Variants in PTPRN2 observed in about 807,000 individuals in gnomAD.
PTPRN2 encodes protein tyrosine phosphatase receptor type N2, also known as receptor-type tyrosine-protein phosphatase N2.
In PTPRN2, 74 loss-of-function variants were observed where a neutral mutation model predicts 118.8. That is an observed-to-expected ratio of 0.62 (90% confidence interval 0.52 to 0.76). PTPRN2 has a LOEUF of 0.76. PTPRN2 is among the 30% of genes least tolerant of loss of function. The pLI, the probability that PTPRN2 is intolerant of heterozygous loss-of-function variation, is 0.00. For missense variants in PTPRN2, 1,481 were observed against 1,394.4 expected, an observed-to-expected ratio of 1.06 and a Z score of -0.99; for synonymous variants, 641 against 608.0, an observed-to-expected ratio of 1.05 and a Z score of -0.80.
At chr7:158,114,627 C>T (rs950328107) in intron 9 of PTPRN2, among the ~76,000 whole-genome samples, 5 of 152,188 alleles carry the variant, frequency 3.3e-5, no homozygotes, top group Non-Finnish European at 5.9e-5. Context: ...CCGGCAGCCT[C>T]TAATCTGGCA....
At chr7:157,543,909 T>C (rs1563198495) in intron 22 of PTPRN2, among the ~76,000 whole-genome samples, 1 of 152,098 alleles carries the variant, frequency 6.6e-6, no homozygotes, top group Non-Finnish European at 1.5e-5. Flanking sequence ...GACTAGGCAT[T>C]GTGTGTGTGT....
intron 9 of PTPRN2, among the ~76,000 whole-genome samples, chr7:158,114,018 GC>G (rs1468082299): frequency 6.6e-6 from 1 of 152,210 alleles, no homozygotes; most frequent in Non-Finnish European, 1.5e-5. Flanking sequence ...TGCCTGTCCT[GC>G]CCAGCCAGTG....
At position 157,785,221 on chromosome 7, in the gene PTPRN2, C is replaced by A. The variant is rs959771932; in HGVS notation, c.1789-102284G>T. Among the ~76,000 whole-genome samples the A allele has an allele frequency of 5.9e-5, 9 of 151,964 alleles. No individual in the cohort carries two copies. The highest frequency in any genetic ancestry group is 8.8e-5 in the Non-Finnish European group (6 of 68,024). Reference sequence around the variant, plus strand: ...TAACCCGGGCCCACGTGGGGACACGCCCCGCCCCACAGGCTTGCACCGGGG... The same window carrying A: ...TAACCCGGGCCCACGTGGGGACACGACCCGCCCCACAGGCTTGCACCGGGG... On this transcript the variant is annotated intron_variant, in intron 12 of 22. Transcript: ENST00000389418. This position sits in a 1 kb window ranked among gnomAD's most constrained non-coding sequence, Gnocchi z 7.3.
chr7:158,342,516 GAGCTGACACCTGCAGACGTCA>G, intron 2 of PTPRN2, among the ~76,000 whole-genome samples: 1 of 84,424 alleles, frequency 1.2e-5, no homozygotes, highest in African/African-American at 4.8e-5. Context: ...CTCACCATAA[GAGCTGACACCTGCAGACGTCA>G]CTCACACCCA....
intron 21 of PTPRN2, among the ~76,000 whole-genome samples, chr7:157,558,027 A>T (rs1306027497): frequency 1.3e-5 from 2 of 150,170 alleles, no homozygotes; most frequent in Non-Finnish European, 3.0e-5. Flanking sequence ...TGCTGGCAGC[A>T]TCAACGCGGA....
chr7:158,403,521 C>T (rs986842817), intron 2 of PTPRN2, among the ~76,000 whole-genome samples: 3 of 152,210 alleles, frequency 2.0e-5, no homozygotes, highest in Non-Finnish European at 4.4e-5. Flanking sequence ...GGAGCAAGCA[C>T]ATTTAGGCCC....
intron 2 of PTPRN2, among the ~76,000 whole-genome samples, chr7:158,407,403 C>G (rs375595632): frequency 0.027 from 675 of 24,856 alleles, 13 homozygotes; most frequent in East Asian, 0.064. Context: ...CTGGGTCCTG[C>G]GTCCTGGGTC....
chr7:158,170,447 G>T (rs1290848148), intron 5 of PTPRN2, among the ~76,000 whole-genome samples: 2 of 152,256 alleles, frequency 1.3e-5, no homozygotes. Context: ...ACTAGGTTCA[G>T]TGCATTACAC....
At chr7:157,847,275 G>C (rs369795512) in intron 12 of PTPRN2, among the ~76,000 whole-genome samples, 5 of 96,214 alleles carry the variant, frequency 5.2e-5, no homozygotes, top group Admixed American at 2.4e-4. Context: ...TTCATATGTG[G>C]CCAATGTTTA....
chr7:158,482,239 C>T (rs888495618), intron 2 of PTPRN2, among the ~76,000 whole-genome samples: 1 of 152,218 alleles, frequency 6.6e-6, no homozygotes, highest in Non-Finnish European at 1.5e-5. Context: ...TTTGATAAGG[C>T]AGTGGCAGGG....
chr7:157,725,828 G>A (rs994099539), intron 12 of PTPRN2, among the ~76,000 whole-genome samples: 1 of 130,634 alleles, frequency 7.7e-6, no homozygotes, highest in African/African-American at 3.3e-5. Context: ...AGAGGAGTGA[G>A]CCAGACCCTC....
At chr7:157,826,273 G>A (rs1172792932) in intron 12 of PTPRN2, among the ~76,000 whole-genome samples, 10 of 61,954 alleles carry the variant, frequency 1.6e-4, no homozygotes, top group Admixed American at 1.5e-3. Flanking sequence ...GCACGAACAC[G>A]ATCGTCACAA....
chr7:158,495,743 A>T (rs778736731), intron 1 of PTPRN2, among the ~76,000 whole-genome samples: 1 of 152,158 alleles, frequency 6.6e-6, no homozygotes. Flanking sequence ...AAAGTGAGAG[A>T]TTAAAGCGCC....
intron 19 of PTPRN2, among the ~76,000 whole-genome samples, chr7:157,575,801 T>C (rs1464432614): frequency 6.6e-6 from 1 of 152,252 alleles, no homozygotes; most frequent in African/African-American, 2.4e-5. Context: ...TGTTTGGATA[T>C]TTGTCTCTTT....
At chr7:157,648,717 G>A (rs960285320) in intron 14 of PTPRN2, among the ~76,000 whole-genome samples, 1 of 147,292 alleles carries the variant, frequency 6.8e-6, no homozygotes, top group Non-Finnish European at 1.5e-5. Context: ...CATTCACTGT[G>A]CACTGAACTC....
At chr7:157,980,287 A>G (rs951040708) in intron 11 of PTPRN2, among the ~76,000 whole-genome samples, 12 of 152,248 alleles carry the variant, frequency 7.9e-5, no homozygotes, top group African/African-American at 2.9e-4. Context: ...TCTGAGTAAG[A>G]AAGTTCTTAA....
chr7:158,070,530 AGGTGCTCCTGGTGG>A (rs1811202431), intron 11 of PTPRN2, among the ~76,000 whole-genome samples: 1 of 74,754 alleles, frequency 1.3e-5, no homozygotes, highest in Non-Finnish European at 2.5e-5. Context: ...CTGGTGGTGG[AGGTGCTCCTGGTGG>A]TGGAGGTGCC....
At chr7:158,548,553 T>C (rs1309073393) in intron 1 of PTPRN2, among the ~76,000 whole-genome samples, 2 of 152,252 alleles carry the variant, frequency 1.3e-5, no homozygotes, top group East Asian at 1.9e-4. Context: ...CCAAAGCCTC[T>C]GGCTGCAAGC....
chr7:157,610,161 T>G lies in PTPRN2; in HGVS notation c.2345-6086A>C, dbSNP rs1322462021. On this transcript the variant is annotated intron_variant, in intron 15 of 22. Coordinates refer to ENST00000389418, the MANE Select transcript of PTPRN2 (RefSeq NM_002847.5). This position sits in a 1 kb window ranked among gnomAD's most constrained non-coding sequence, Gnocchi z 5.1. ...TCCCACCAGCACATGGGCTCCACGG[T>G]GCTGCTGTTTGGAGGATGCGTGAGG... 6.6e-6 allele frequency among the ~76,000 whole-genome samples: 1 copy of G among 152,114 alleles called. No homozygotes were observed. The highest frequency in any genetic ancestry group is 1.5e-5 in the Non-Finnish European group (1 of 68,024).
Sources: gnomAD v4.1 joint callset for allele counts (sites outside exome capture counted in the v4.1 genomes callset) on GRCh38, gnomAD v4.1.1 for gene constraint, Gnocchi (gnomAD v3.1) non-coding constraint, MANE v1.5 for transcripts, NCBI Gene and HGNC (gene_info 2026-07-23, HGNC 2026-07-21) for gene names.